The following STX8 variants were observed in gnomAD, a reference collection of about 807,000 sequenced individuals.
STX8 encodes syntaxin 8.
In STX8, 23 loss-of-function variants were observed where a neutral mutation model predicts 37.5. The observed-to-expected ratio is 0.61, with a 90% CI of 0.44 to 0.87. The LOEUF is 0.87. STX8 is among the 40% of genes least tolerant of loss of function. The pLI is 0.00. For missense variants in STX8, 313 were observed against 284.7 expected (o/e 1.10, Z -0.71); for synonymous variants, 115 against 99.1 (o/e 1.16, Z -0.95).
At chr17:9,339,368 C>A (rs1273609133) in intron 7 of STX8, among the ~76,000 whole-genome samples, 1 of 151,944 alleles carries the variant, frequency 6.6e-6, no homozygotes, top group African/African-American at 2.4e-5. Context: ...TAAAAGGACT[C>A]CTCAGGCCGG....
At chr17:9,469,772 T>A (rs1404570569) in intron 6 of STX8, 2 of 152,178 alleles carry the variant, frequency 1.3e-5, no homozygotes, top group Non-Finnish European at 2.9e-5. Context: ...TGGCCAAGTT[T>A]GGAATGAGTT....
chr17:9,461,192 A>T (rs1033480017), intron 6 of STX8: 2 of 152,054 alleles, frequency 1.3e-5, no homozygotes, highest in Non-Finnish European at 2.9e-5. Flanking sequence ...TCCTGAAAAA[A>T]TGGTTATCTT....
At chr17:9,491,669 C>G (rs1906854802) in intron 6 of STX8, among the ~76,000 whole-genome samples, 160 bp downstream of exon 6, 1 of 152,214 alleles carries the variant, frequency 6.6e-6, no homozygotes, top group Admixed American at 6.5e-5. Flanking sequence ...CAACTATCAT[C>G]TAAATCTGCC....
At chr17:9,322,886 C>T (rs528610404) in intron 7 of STX8, among the ~76,000 whole-genome samples, 1 of 145,494 alleles carries the variant, frequency 6.9e-6, no homozygotes, top group Admixed American at 6.9e-5. Context: ...AGTTGTATTC[C>T]ATTCCTTTTA....
chr17:9,518,582 C>T (rs1000184710), intron 4 of STX8, among the ~76,000 whole-genome samples: 1 of 152,158 alleles, frequency 6.6e-6, no homozygotes, highest in Non-Finnish European at 1.5e-5. Flanking sequence ...GGAACAGATG[C>T]TAGCAGCCAG....
At chr17:9,355,894 C>T (rs1369823561) in intron 7 of STX8, among the ~76,000 whole-genome samples, 1 of 151,984 alleles carries the variant, frequency 6.6e-6, no homozygotes. Context: ...TCTAGCAATC[C>T]GCTCACTTCA....
At position 9,333,579 on chromosome 17, in the gene STX8, T is replaced by G. The variant is rs11651189; in HGVS notation, c.643+44973A>C. Among the ~76,000 whole-genome samples the G allele has an allele frequency of 1.2e-4, 18 of 152,048 alleles. 1 individual carries two copies. The highest frequency in any genetic ancestry group is 9.8e-4 in the Admixed American group (15 of 15,256). On this transcript the variant is annotated intron_variant, in intron 7 of 7. Transcript: ENST00000306357. ...ATATTTTGTATTTTTTTAGTAGAGATGGGGTTTCACTGTGTTAGCCAGGAT... is the reference window on the plus strand; with the variant it reads ...ATATTTTGTATTTTTTTAGTAGAGAGGGGGTTTCACTGTGTTAGCCAGGAT...
At chr17:9,532,420 T>G (rs914064424) in intron 4 of STX8, among the ~76,000 whole-genome samples, 4 of 151,928 alleles carry the variant, frequency 2.6e-5, no homozygotes, top group African/African-American at 9.7e-5. Flanking sequence ...CACAAACAAG[T>G]TGGAATAGAG....
chr17:9,421,388 A>C (rs1187785101), intron 6 of STX8, among the ~76,000 whole-genome samples: 2 of 111,016 alleles, frequency 1.8e-5, no homozygotes, highest in Non-Finnish European at 3.5e-5. Flanking sequence ...GCAAAACTCC[A>C]TCTCAAAAAA....
At chr17:9,388,997 G>C (rs1645585574) in intron 6 of STX8, among the ~76,000 whole-genome samples, 1 of 152,080 alleles carries the variant, frequency 6.6e-6, no homozygotes, top group South Asian at 2.1e-4. Flanking sequence ...TGGATACTTA[G>C]AATGTTTCTA....
chr17:9,403,963 A>G (rs1912717721), intron 6 of STX8, among the ~76,000 whole-genome samples: 1 of 151,712 alleles, frequency 6.6e-6, no homozygotes, highest in Admixed American at 6.6e-5. Flanking sequence ...AACTCTTTTG[A>G]CTCCCCCAAA....
intron 6 of STX8, among the ~76,000 whole-genome samples, chr17:9,411,638 T>C (rs1348503772): frequency 2.0e-5 from 3 of 152,232 alleles, no homozygotes; most frequent in Non-Finnish European, 2.9e-5. Flanking sequence ...TAAAACAATA[T>C]ACATAACAGG....
chr17:9,456,544 AG>A (rs1340535091), intron 6 of STX8, among the ~76,000 whole-genome samples: 1 of 152,184 alleles, frequency 6.6e-6, no homozygotes, highest in African/African-American at 2.4e-5. Flanking sequence ...AGATGGAAAA[AG>A]AGTCTATGTT....
At chr17:9,353,450 T>G (rs556812825) in intron 7 of STX8, among the ~76,000 whole-genome samples, 1 of 152,346 alleles carries the variant, frequency 6.6e-6, no homozygotes, top group East Asian at 1.9e-4. Flanking sequence ...CTTTCAGTGG[T>G]TAAAGTGGGC....
chr17:9,556,771 A>G (rs1190000015), intron 3 of STX8: 1 of 77,114 alleles, frequency 1.3e-5, no homozygotes, highest in Non-Finnish European at 2.4e-5. Context: ...ATATATATAT[A>G]TATATATATA....
chr17:9,479,805 G>GCCTCCTGCCAGCTCTCCTGGCCC (rs200947063), intron 6 of STX8, among the ~76,000 whole-genome samples: 6 of 150,788 alleles, frequency 4.0e-5, no homozygotes, highest in South Asian at 2.1e-4. Context: ...CCTAACCCCC[G>GCCTCCTGCCAGCTCTCCTGGCCC]CCTCCTGCCA....
intron 7 of STX8, among the ~76,000 whole-genome samples, chr17:9,328,802 C>A (rs1909863846): frequency 6.6e-6 from 1 of 152,040 alleles, no homozygotes; most frequent in Admixed American, 6.6e-5. Flanking sequence ...GTAATCCCAG[C>A]ACTTTGGGAG....
chr17:9,458,330 T>C lies in STX8; in HGVS notation c.541+33499A>G, dbSNP rs977878212. On this transcript the variant is annotated intron_variant, in intron 6 of 7. Coordinates refer to ENST00000306357, the MANE Select transcript of STX8 (RefSeq NM_004853.3). ...ACGCCTGGCTAATTTTTTGTATTTT[T>C]AGTAGAGATGGGGTTTCACCGTGTC... Among the ~76,000 whole-genome samples the C allele has an allele frequency of 3.9e-5, 6 of 152,250 alleles. No individual in the cohort carries two copies. The East Asian group carries it at 1.2e-3, about 30-fold the overall frequency.
chr17:9,546,601 T>G (rs1339286334), intron 3 of STX8, among the ~76,000 whole-genome samples: 1 of 128,266 alleles, frequency 7.8e-6, no homozygotes, highest in Non-Finnish European at 1.6e-5. Flanking sequence ...GTTTTTTTTT[T>G]TTTTTTTTTT....
Sources: allele counts gnomAD v4.1 joint callset (sites outside exome capture counted in the v4.1 genomes callset), GRCh38; gene constraint gnomAD v4.1.1; transcripts MANE v1.5; gene names NCBI Gene and HGNC (gene_info 2026-07-23, HGNC 2026-07-21).